Variants in CTIF observed in about 807,000 individuals in gnomAD.
The protein encoded by CTIF is cap binding complex dependent translation initiation factor, also known as CBP80/20-dependent translation initiation factor.
Under a neutral mutation model 66.0 loss-of-function variants are expected in CTIF, and 21 were observed. The observed-to-expected ratio is 0.32, with a 90% CI of 0.23 to 0.46. The LOEUF (loss-of-function observed/expected upper bound fraction) is 0.46, where lower values mean the gene tolerates loss of function less well. Ranked by LOEUF, CTIF falls within the 20% of genes least tolerant of loss-of-function variation. CTIF has a pLI of 1.00. For synonymous variants in CTIF, 345 were observed against 326.4 expected (o/e 1.06, Z -0.62); for missense variants, 739 against 812.7 (o/e 0.91, Z 1.10).
intron 7 of CTIF, among the ~76,000 whole-genome samples, chr18:48,717,936 C>G (rs2092297865): frequency 6.6e-6 from 1 of 152,038 alleles, no homozygotes; most frequent in Non-Finnish European, 1.5e-5. Context: ...GCGATGGAGT[C>G]TTGCTATGTT....
chr18:48,746,275 C>G (rs1243513468), intron 7 of CTIF, among the ~76,000 whole-genome samples: 1 of 151,932 alleles, frequency 6.6e-6, no homozygotes, highest in Non-Finnish European at 1.5e-5. Context: ...CCAGGCACAC[C>G]CATGACACCT....
At chr18:48,737,525 T>A (rs2092513843) in intron 7 of CTIF, among the ~76,000 whole-genome samples, 1 of 152,140 alleles carries the variant, frequency 6.6e-6, no homozygotes, top group African/African-American at 2.4e-5. Context: ...AGGCAATTTT[T>A]AGAAATCAAT....
intron 7 of CTIF, among the ~76,000 whole-genome samples, chr18:48,735,480 C>A (rs985716727): frequency 3.9e-5 from 6 of 152,076 alleles, no homozygotes; most frequent in Admixed American, 3.9e-4. Context: ...GGACAGCCGG[C>A]GCACAGGCAC....
intron 9 of CTIF, among the ~76,000 whole-genome samples, chr18:48,795,330 C>G (rs2067891207): frequency 6.6e-6 from 1 of 152,200 alleles, no homozygotes; most frequent in African/African-American, 2.4e-5. Context: ...AGCCTCTCCC[C>G]CAACCTGATT....
intron 1 of CTIF, among the ~76,000 whole-genome samples, chr18:48,596,906 TTAA>T (rs1034534328): frequency 5.3e-5 from 8 of 152,140 alleles, no homozygotes; most frequent in Admixed American, 3.9e-4. Context: ...AAGGATTCTG[TTAA>T]TAAGGAAGGA....
chr18:48,827,494 C>T (rs2068605736), intron 10 of CTIF, among the ~76,000 whole-genome samples: 1 of 152,176 alleles, frequency 6.6e-6, no homozygotes, highest in Non-Finnish European at 1.5e-5. Flanking sequence ...AGCAACTCCC[C>T]AGCTCCTGAT....
At chr18:48,782,423 T>TC (rs1204211896) in intron 9 of CTIF, among the ~76,000 whole-genome samples, 3 of 151,830 alleles carry the variant, frequency 2.0e-5, no homozygotes, top group Non-Finnish European at 4.4e-5. Flanking sequence ...GGTCCCCCTG[T>TC]CCCCCCACCC....
At chr18:48,742,225 A>G (rs1431654885) in intron 7 of CTIF, among the ~76,000 whole-genome samples, 1 of 152,200 alleles carries the variant, frequency 6.6e-6, no homozygotes, top group African/African-American at 2.4e-5. Context: ...AAGAACCAAG[A>G]GAAGATGTGT....
chr18:48,857,665 C>G (rs2069361451), intron 11 of CTIF, 24 bp downstream of exon 11: 1 of 1,594,268 alleles, frequency 6.3e-7, no homozygotes, highest in African/African-American at 1.4e-5. Context: ...CTTCGACATC[C>G]CCAACCTCAA....
intron 7 of CTIF, among the ~76,000 whole-genome samples, chr18:48,736,618 A>G (rs1424090546): frequency 6.6e-6 from 1 of 152,226 alleles, no homozygotes; most frequent in Non-Finnish European, 1.5e-5. Flanking sequence ...TGGGGGAAGA[A>G]GGAAAAACAT....
chr18:48,807,440 C>T (rs1384455009), intron 9 of CTIF, among the ~76,000 whole-genome samples: 2 of 152,052 alleles, frequency 1.3e-5, no homozygotes, highest in Non-Finnish European at 2.9e-5. Context: ...CACTATTTCT[C>T]CTCTTTCTTT....
At chr18:48,580,665 G>C (rs1193226228) in intron 1 of CTIF, among the ~76,000 whole-genome samples, 2 of 152,116 alleles carry the variant, frequency 1.3e-5, no homozygotes, top group Non-Finnish European at 2.9e-5. Flanking sequence ...TCTCTGACTG[G>C]GACTGTCATT....
At chr18:48,702,699 A>G (rs2092099737) in intron 6 of CTIF, among the ~76,000 whole-genome samples, 1 of 152,218 alleles carries the variant, frequency 6.6e-6, no homozygotes, top group Admixed American at 6.5e-5. Context: ...CTGATTAAAA[A>G]ATAATAAATT....
intron 7 of CTIF, among the ~76,000 whole-genome samples, chr18:48,733,360 G>A (rs11661403): frequency 6.6e-6 from 1 of 152,084 alleles, no homozygotes; most frequent in Non-Finnish European, 1.5e-5. Context: ...CTGCCTCCAT[G>A]TGCATTAACC....
At chr18:48,540,170 G>A (rs1344183724) in intron 1 of CTIF, 1 of 152,278 alleles carries the variant, frequency 6.6e-6, no homozygotes, top group Non-Finnish European at 1.5e-5. Flanking sequence ...TGGTTCTGTT[G>A]GCTTTTTTTA....
intron 9 of CTIF, among the ~76,000 whole-genome samples, chr18:48,771,023 A>G (rs745982310): frequency 6.6e-6 from 1 of 152,034 alleles, no homozygotes; most frequent in African/African-American, 2.4e-5. Context: ...TAAATGTGGA[A>G]CAATGAGGGC....
chr18:48,661,058 C>T (rs115957735), intron 3 of CTIF, among the ~76,000 whole-genome samples: 2,123 of 152,308 alleles, frequency 0.014, 57 homozygotes, highest in African/African-American at 0.049. Flanking sequence ...AGTGGCATCT[C>T]CTCAATCAGT....
In CTIF at chr18:48,789,229, A is replaced by T. The variant is rs78090675; in HGVS notation, c.1371+27540A>T. Among the ~76,000 whole-genome samples, 644 of 152,326 alleles carry T rather than the reference A, an allele frequency of 4.2e-3. 1 individual carries two copies. Among genetic ancestry groups the T allele is most frequent in the Non-Finnish European group, 6.8e-3 (464 of 68,028 alleles). ...TCACTGATTTTCATTTTCCTATAAC[A>T]TGATGACAATAAGGGCTGGGTTCAC... On this transcript the variant is annotated intron_variant, in intron 9 of 11. Coordinates refer to ENST00000256413, the MANE Select transcript of CTIF (RefSeq NM_014772.3).
chr18:48,718,500 C>T (rs906879633), intron 7 of CTIF, among the ~76,000 whole-genome samples: 18 of 152,150 alleles, frequency 1.2e-4, no homozygotes, highest in African/African-American at 3.4e-4. Context: ...AGGTTCCCAG[C>T]GTGACCGTAA....
Sources: allele counts gnomAD v4.1 joint callset (sites outside exome capture counted in the v4.1 genomes callset), GRCh38; gene constraint gnomAD v4.1.1; transcripts MANE v1.5; gene names NCBI Gene and HGNC (gene_info 2026-07-23, HGNC 2026-07-21).